RC3H1: variants seen among roughly 807,000 people sequenced by gnomAD.
RC3H1 encodes ring finger and CCCH-type domains 1.
RC3H1 carries 50 observed loss-of-function variants against 138.2 expected under a neutral mutation model. The ratio of observed to expected loss-of-function variants is 0.36; its 90% CI spans 0.29 to 0.46. RC3H1 has a LOEUF of 0.46. Ranked by LOEUF, RC3H1 falls within the 20% of genes least tolerant of loss-of-function variation. The pLI is 1.00. For synonymous variants in RC3H1, 462 were observed against 489.1 expected (o/e 0.94, Z 0.73); for missense variants, 1,031 against 1,388.1 (o/e 0.74, Z 4.09).
At chr1:173,990,747 C>T (rs374435429) in intron 2 of RC3H1, among the ~76,000 whole-genome samples, 2 of 151,792 alleles carry the variant, frequency 1.3e-5, no homozygotes, top group African/African-American at 2.4e-5. Context: ...GGACTACAGG[C>T]GCCTGCAACC....
chr1:173,947,346 C>A, intron 15 of RC3H1, 23 bp downstream of exon 15: 1 of 1,542,920 alleles, frequency 6.5e-7, no homozygotes, highest in South Asian at 1.1e-5. Flanking sequence ...CCCTTTAGGT[C>A]AGCTTACCTC....
intron 1 of RC3H1, among the ~76,000 whole-genome samples, chr1:174,014,236 C>T (rs1003198075): frequency 1.3e-5 from 2 of 152,162 alleles, no homozygotes; most frequent in Non-Finnish European, 2.9e-5. Context: ...AATGTATCAA[C>T]ACTGGTTCCT....
intron 1 of RC3H1, among the ~76,000 whole-genome samples, chr1:173,997,944 C>T (rs1197273339): frequency 3.9e-5 from 6 of 152,108 alleles, no homozygotes; most frequent in African/African-American, 1.4e-4. Flanking sequence ...ACGCATTCTT[C>T]CAAACATTCT....
rs1485537695 is a variant in RC3H1, at chr1:173,946,489, A to C, written c.2948T>G (p.Leu983Arg). ...LNHQISQQTQLRGLEAVSNRL... is the reference protein window; with the variant it reads ...LNHQISQQTQRRGLEAVSNRL... ...CTAGGCTGGTACCTCTAGTCCACGT[A>C]GCTGGGTCTGCTGGCTAATCTGATG... The change falls in exon 17 of 20, where the codon CTA becomes CGA. Residue 983 changes from leucine to arginine, a missense_variant. This residue lies in a region of RC3H1 where 716 missense variants were observed against 837.9 expected (regional missense o/e 0.85). Transcript: ENST00000367696. 1.2e-6 allele frequency: 2 copies of C among 1,613,982 alleles called. No individual in the cohort carries two copies. The highest frequency in any genetic ancestry group is 2.7e-5 in the African/African-American group (2 of 74,930).
At chr1:173,979,472 C>G (rs1660715968) in intron 6 of RC3H1, among the ~76,000 whole-genome samples, 1 of 152,104 alleles carries the variant, frequency 6.6e-6, no homozygotes, top group African/African-American at 2.4e-5. Flanking sequence ...ATGGTGAAAC[C>G]CCGTCTCTAC....
intron 14 of RC3H1, among the ~76,000 whole-genome samples, chr1:173,949,085 A>T (rs1412825644): frequency 1.6e-5 from 2 of 124,536 alleles, no homozygotes; most frequent in Non-Finnish European, 3.1e-5. Flanking sequence ...GCAAAAAAAA[A>T]AATTTTATTT....
chr1:173,935,640 A>G lies in RC3H1; in HGVS notation c.*3081T>C, dbSNP rs1265102527. ...ATTTTGATTTTAAAAAAGTAGTTAC[A>G]GAGTCAAGCAGTTATGCCCAAATAT... On this transcript the variant is annotated 3_prime_UTR_variant, in exon 20 of 20. Coordinates refer to ENST00000367696, the MANE Select transcript of RC3H1 (RefSeq NM_172071.4). 6.6e-6 allele frequency: 1 copy of G among 152,236 alleles called. No homozygotes were observed. Among genetic ancestry groups the G allele is most frequent in the Non-Finnish European group, 1.5e-5 (1 of 68,036 alleles). The allele number at this position is 152,236 out of a possible 1,614,324, so 9.4% of individuals were successfully genotyped here.
At chr1:173,975,149 G>A (rs545884504) in intron 7 of RC3H1, among the ~76,000 whole-genome samples, 2 of 152,246 alleles carry the variant, frequency 1.3e-5, no homozygotes, top group African/African-American at 4.8e-5. Flanking sequence ...AGGCTGGAGT[G>A]CAGTGGCATG....
intron 1 of RC3H1, among the ~76,000 whole-genome samples, chr1:174,003,251 G>A (rs184012410): frequency 2.6e-5 from 4 of 151,988 alleles, no homozygotes; most frequent in Admixed American, 6.6e-5. Context: ...GCCAGACATG[G>A]TGGTGGGCGC....
Position 173,962,005 on chromosome 1 carries a change from T to C in RC3H1, c.1922A>G (p.His641Arg). The stretch of plus-strand genomic sequence containing the variant: ...ACGTTCTTGGAGGTAGGGTGGATAA[T>C]GATCCAAGTAGGGAGGAGCAGGTTC... ...APEPAPPYLD[H>R]YPPYLQERVV... is the part of the protein sequence containing the mutation. Residue 641 changes from histidine to arginine, a missense_variant, in exon 12 of 20, where the codon CAT becomes CGT. His to Arg is a conservative substitution (Grantham distance 29). Transcript: ENST00000367696. 6.2e-7 allele frequency: 1 copy of C among 1,614,044 alleles called. No homozygotes were observed. The highest frequency in any genetic ancestry group is 1.1e-5 in the South Asian group (1 of 91,078).
chr1:173,951,544 A>G (rs1170711945), intron 14 of RC3H1, among the ~76,000 whole-genome samples: 1 of 151,920 alleles, frequency 6.6e-6, no homozygotes, highest in Non-Finnish European at 1.5e-5. Flanking sequence ...TGTGAAAAAA[A>G]AATTTTTTTT....
chr1:173,989,869 G>A (rs1661197754), intron 2 of RC3H1, among the ~76,000 whole-genome samples: 1 of 150,302 alleles, frequency 6.7e-6, no homozygotes, highest in Admixed American at 6.6e-5. Context: ...TGGGACTACA[G>A]GCGCCCGCCA....
chr1:173,982,125 A>T (rs1188957905), intron 5 of RC3H1, among the ~76,000 whole-genome samples: 1 of 152,186 alleles, frequency 6.6e-6, no homozygotes. Context: ...CACGCTTGTA[A>T]TCCCAGCACT....
chr1:173,971,734 G>C (rs1358541387), intron 8 of RC3H1, among the ~76,000 whole-genome samples: 1 of 152,158 alleles, frequency 6.6e-6, no homozygotes, highest in East Asian at 1.9e-4. Flanking sequence ...GCTTTGACCT[G>C]TGTTAGATAG....
At chr1:173,960,781 CAT>C (rs757753651) in intron 13 of RC3H1, among the ~76,000 whole-genome samples, 31 of 152,194 alleles carry the variant, frequency 2.0e-4, no homozygotes, top group African/African-American at 6.5e-4. Context: ...TCAGGAAACA[CAT>C]GTGTGGTCAC....
intron 1 of RC3H1, among the ~76,000 whole-genome samples, chr1:174,011,056 T>C (rs191373572): frequency 6.6e-6 from 1 of 152,330 alleles, no homozygotes; most frequent in Non-Finnish European, 1.5e-5. Flanking sequence ...TAATTACTCA[T>C]ATGCATTTAA....
At chr1:174,020,103 G>T (rs1661930595) in intron 1 of RC3H1, among the ~76,000 whole-genome samples, 1 of 147,948 alleles carries the variant, frequency 6.8e-6, no homozygotes, top group Non-Finnish European at 1.5e-5. Flanking sequence ...GACTTTACTT[G>T]GAATCTGTGC....
intron 8 of RC3H1, among the ~76,000 whole-genome samples, chr1:173,971,786 A>T (rs1255875278): frequency 1.3e-5 from 2 of 152,182 alleles, no homozygotes; most frequent in African/African-American, 4.8e-5. Context: ...TAGCAGGATA[A>T]TTTTTATATT....
Position 173,964,049 on chromosome 1 carries a change from T to C in RC3H1, c.1755A>G (p.Pro585=), listed in dbSNP as rs916182897. 6.2e-7 allele frequency: 1 copy of C among 1,614,174 alleles called. No homozygotes were observed. Among genetic ancestry groups the C allele is most frequent in the Non-Finnish European group, 8.5e-7 (1 of 1,180,028 alleles). The change falls in exon 11 of 20, where the codon CCA becomes CCG. Residue 585 remains proline, a synonymous_variant. Transcript: ENST00000367696. ...GATAATAAACATCCGTCTGTTGTGCTGGATATAACTGAGAACCTCGAGGTA... is the reference window on the plus strand; with the variant it reads ...GATAATAAACATCCGTCTGTTGTGCCGGATATAACTGAGAACCTCGAGGTA... ...QMVPRGSQLY[P]AQQTDVYYQD...
Sources: gnomAD v4.1 joint callset for allele counts (sites outside exome capture counted in the v4.1 genomes callset) on GRCh38, gnomAD v4.1.1 for gene constraint, gnomAD v4.1.1 regional missense constraint, MANE v1.5 for transcripts, NCBI Gene and HGNC (gene_info 2026-07-23, HGNC 2026-07-21) for gene names.